The following TUBB1 variants were observed in gnomAD, a reference collection of about 807,000 sequenced individuals.
TUBB1 encodes the protein tubulin beta 1 class VI, also known as tubulin beta-1 chain.
A neutral mutation model predicts 22.6 loss-of-function variants in TUBB1; 28 were observed. The ratio of observed to expected loss-of-function variants is 1.24; its 90% confidence interval spans 0.92 to 1.70. The LOEUF (loss-of-function observed/expected upper bound fraction) is 1.70, where lower values mean the gene tolerates loss of function less well. Among genes scored for constraint, TUBB1 ranks in the 40% most tolerant of loss-of-function variants. TUBB1 has a pLI of 0.00. For missense variants in TUBB1, 577 were observed against 605.5 expected (o/e 0.95, Z 0.49); for synonymous variants, 226 against 238.0 (o/e 0.95, Z 0.46).
chr20:59,017,431 T>C (rs1425468870), upstream of TUBB1, among the ~76,000 whole-genome samples: 2 of 152,182 alleles, frequency 1.3e-5, no homozygotes, highest in East Asian at 3.9e-4. Flanking sequence ...CACCTCTGGG[T>C]TTCTCTTCTG....
chr20:59,022,648 A>G (rs1418677848), intron 1 of TUBB1, among the ~76,000 whole-genome samples, 197 bp from the exon 2 acceptor site: 1 of 152,182 alleles, frequency 6.6e-6, no homozygotes, highest in Non-Finnish European at 1.5e-5. Flanking sequence ...AGAAAATGCA[A>G]TCTTCATATT....
chr20:59,024,427 C>A lies in TUBB1; in HGVS notation c.1000C>A (p.Gln334Lys), dbSNP rs1424178213. 3.7e-6 allele frequency: 6 copies of A among 1,614,206 alleles called. No individual in the cohort carries two copies. Among genetic ancestry groups the A allele is most frequent in the Admixed American group, 1.7e-5 (1 of 60,030 alleles). ...AGTGGACCAGCAACTGCTCTCCGTGCAGACCAGGAACAGCAGCTGCTTTGT... is the reference window on the plus strand; with the variant it reads ...AGTGGACCAGCAACTGCTCTCCGTGAAGACCAGGAACAGCAGCTGCTTTGT... Reference protein sequence around the residue: ...KEVDQQLLSVQTRNSSCFVEW... With the variant: ...KEVDQQLLSVKTRNSSCFVEW... Residue 334 changes from glutamine to lysine, a missense_variant, in exon 4 of 4, where the codon CAG (glutamine) becomes AAG (lysine). Physicochemically the swap from Gln to Lys is moderately conservative, Grantham distance 53. Transcript: ENST00000217133. This position sits in a 1 kb window ranked among gnomAD's most constrained non-coding sequence, Gnocchi z 4.9.
Position 59,024,048 on chromosome 20 carries a change from CTA to C in TUBB1, c.623_624del (p.Tyr208Ter). 1 of 1,614,220 alleles carries C rather than the reference CTA, an allele frequency of 6.2e-7. No individual in the cohort carries two copies. The highest frequency in any genetic ancestry group is 8.5e-7 in the Non-Finnish European group (1 of 1,180,044). On this transcript the variant is annotated frameshift_variant, in exon 4 of 4. Transcript: ENST00000217133. LOFTEE classifies it high-confidence loss of function. This position sits in a 1 kb window ranked among gnomAD's most constrained non-coding sequence, Gnocchi z 4.9. ...GTTTCTGCATTGACAATGAGGCCCT[CTA>C]TGACATCTGCTTCCGTACCCTGAAG... Reference protein sequence around the residue: ...ACFCIDNEALYDICFRTLKLT... With the variant: ...ACFCIDNEALXDICFRTLKLT...
At chr20:59,023,059 C>A in intron 2 of TUBB1, 106 bp downstream of exon 2, 1 of 1,073,276 alleles carries the variant, frequency 9.3e-7, no homozygotes, top group Non-Finnish European at 1.4e-6. Flanking sequence ...GATGTCTATG[C>A]TCAGGGAGGC....
At chr20:59,019,162 A>G, upstream of TUBB1, 1 of 340,518 alleles carries the variant, frequency 2.9e-6, no homozygotes, top group Non-Finnish European at 5.6e-6. Context: ...TAGGGCCAGC[A>G]TGGTCACCTA....
intron 2 of TUBB1, 32 bp from the exon 3 acceptor site, chr20:59,023,458 G>A (rs377213929): frequency 3.8e-6 from 6 of 1,593,396 alleles, no homozygotes; most frequent in East Asian, 2.2e-5. Flanking sequence ...AGAAAAACAA[G>A]TAGGCTGACT....
chr20:59,019,070 G>C (rs561592060), upstream of TUBB1, among the ~76,000 whole-genome samples: 7 of 152,300 alleles, frequency 4.6e-5, no homozygotes, highest in South Asian at 1.5e-3. Context: ...AAAAGGGGCC[G>C]GGAAGATGGA....
upstream of TUBB1, chr20:59,019,211 C>T: frequency 2.3e-6 from 1 of 442,962 alleles, no homozygotes; most frequent in Non-Finnish European, 4.2e-6. Context: ...GCCCTGTGCC[C>T]CGAGGTGGCC....
chr20:59,016,639 GC>G (rs1429267388), upstream of TUBB1, among the ~76,000 whole-genome samples: 1 of 152,200 alleles, frequency 6.6e-6, no homozygotes, highest in African/African-American at 2.4e-5. Flanking sequence ...CAGGAGAAAG[GC>G]TGGAAGTGAG....
rs1258038861 is a variant in TUBB1 at position 59,023,362 on chromosome 20, A to G, written c.167-128A>G. ...TATGATGTTAGATACTCAAATCTCGACCTACCAAGGGCCCCTTTCTAGAAT... is the reference window on the plus strand; with the variant it reads ...TATGATGTTAGATACTCAAATCTCGGCCTACCAAGGGCCCCTTTCTAGAAT... On this transcript the variant is annotated intron_variant, in intron 2 of 3. Coordinates refer to ENST00000217133, the MANE Select transcript of TUBB1 (RefSeq NM_030773.4). 1.5e-5 allele frequency: 12 copies of G among 820,706 alleles called. No individual in the cohort carries two copies. In the East Asian group the frequency reaches 3.1e-4, roughly 21 times the overall value. The allele number at this position is 820,706 out of a possible 1,614,324, so 50.8% of individuals were successfully genotyped here. A position where few individuals can be genotyped will look rare whatever the true frequency, so the allele number is the denominator to read the frequency against.
chr20:59,016,579 C>T (rs151350), upstream of TUBB1, among the ~76,000 whole-genome samples: 16 of 151,796 alleles, frequency 1.1e-4, no homozygotes, highest in South Asian at 2.1e-4. Context: ...GAGGGAGGCT[C>T]GGGAGAGCTG....
At chr20:59,023,654 C>T in intron 3 of TUBB1, 51 bp from the exon 4 acceptor site, 1 of 1,612,562 alleles carries the variant, frequency 6.2e-7, no homozygotes, top group East Asian at 2.2e-5. Context: ...TTTACTGGTG[C>T]CCTTCTCTTT....
At chr20:59,022,611 C>T (rs1382963029) in intron 1 of TUBB1, among the ~76,000 whole-genome samples, 2 of 152,110 alleles carry the variant, frequency 1.3e-5, no homozygotes, top group Non-Finnish European at 2.9e-5. Flanking sequence ...TTGTGTTTGA[C>T]ATTTTATTTA....
chr20:59,017,602 G>A (rs2091950050), upstream of TUBB1, among the ~76,000 whole-genome samples: 1 of 152,230 alleles, frequency 6.6e-6, no homozygotes. Flanking sequence ...AGGTTTAGGA[G>A]TCAAGCCTGG....
chr20:59,017,014 C>A (rs998004332), upstream of TUBB1, among the ~76,000 whole-genome samples: 5 of 151,956 alleles, frequency 3.3e-5, no homozygotes, highest in Admixed American at 1.3e-4. Flanking sequence ...ATTGTTACCA[C>A]TTTGCCCCTT....
Position 59,024,464 on chromosome 20 carries a change from C to G in TUBB1, c.1037C>G (p.Pro346Arg). Residue 346 changes from proline (P) to arginine (R), a missense_variant, in exon 4 of 4, where the codon CCC (proline) becomes CGC (arginine). Pro to Arg is a moderately radical substitution (Grantham distance 103, BLOSUM62 -2). Coordinates refer to ENST00000217133, the MANE Select transcript of TUBB1 (RefSeq NM_030773.4). This position sits in a 1 kb window ranked among gnomAD's most constrained non-coding sequence, Gnocchi z 4.9. ...AGCAGCTGCTTTGTGGAGTGGATTC[C>G]CAACAACGTCAAGGTGGCTGTCTGC... ...RNSSCFVEWIPNNVKVAVCDI... is the reference protein window; with the variant it reads ...RNSSCFVEWIRNNVKVAVCDI... 6.2e-7 allele frequency: 1 copy of G among 1,614,202 alleles called. No individual in the cohort carries two copies. The highest frequency in any genetic ancestry group is 1.1e-5 in the South Asian group (1 of 91,082).
At chr20:59,020,325 C>T (rs2091962160) in intron 1 of TUBB1, among the ~76,000 whole-genome samples, 1 of 152,254 alleles carries the variant, frequency 6.6e-6, no homozygotes, top group Non-Finnish European at 1.5e-5. Flanking sequence ...GCTGGGATTA[C>T]AGGCATGCGC....
chr20:59,018,396 C>T (rs549578377), upstream of TUBB1, among the ~76,000 whole-genome samples: 1 of 152,026 alleles, frequency 6.6e-6, no homozygotes, highest in Non-Finnish European at 1.5e-5. Context: ...CTCCTGTACA[C>T]CGCATGAGGG....
At chr20:59,023,639 G>A in intron 3 of TUBB1, 39 bp downstream of exon 3, 1 of 1,613,000 alleles carries the variant, frequency 6.2e-7, no homozygotes, top group Non-Finnish European at 8.5e-7. Context: ...AGGAGGGGGG[G>A]ATGCTTTACT....
Sources: gnomAD v4.1 joint callset for allele counts (sites outside exome capture counted in the v4.1 genomes callset) on GRCh38, gnomAD v4.1.1 for gene constraint, Gnocchi (gnomAD v3.1) non-coding constraint, MANE v1.5 for transcripts, NCBI Gene and HGNC (gene_info 2026-07-23, HGNC 2026-07-21) for gene names.